The following ZFC3H1 variants were observed in gnomAD, a reference collection of about 807,000 sequenced individuals.
The protein encoded by ZFC3H1 is zinc finger C3H1-type containing.
A neutral mutation model predicts 243.7 loss-of-function variants in ZFC3H1; 71 were observed. The ratio of observed to expected loss-of-function variants is 0.29; its 90% CI spans 0.24 to 0.36. The LOEUF is 0.36. Among genes scored for constraint, ZFC3H1 ranks in the 10% least tolerant of loss-of-function variants. The pLI, the probability that ZFC3H1 is intolerant of heterozygous loss-of-function variation, is 1.00. For missense variants in ZFC3H1, 1,966 were observed against 2,317.1 expected, an observed-to-expected ratio of 0.85 and a Z score of 3.11; for synonymous variants, 838 against 813.0, an observed-to-expected ratio of 1.03 and a Z score of -0.52.
rs565559502 is a variant in ZFC3H1, at chr12:71,625,262, C to A, written c.4318-970G>T. Among the ~76,000 whole-genome samples, 3 of 152,278 alleles carry A rather than the reference C, an allele frequency of 2.0e-5. No individual in the cohort carries two copies. In the South Asian group the frequency reaches 6.2e-4, roughly 32 times the overall value. The stretch of plus-strand genomic sequence containing the variant: ...ACAACTTCAGTTGGTAAGTAAATGA[C>A]AGATTTGACAGCAATAGATTTATTT... On this transcript the variant is annotated intron_variant, in intron 22 of 34. Coordinates refer to ENST00000378743, the MANE Select transcript of ZFC3H1 (RefSeq NM_144982.5).
chr12:71,650,905 T>C (rs992069720), intron 2 of ZFC3H1, among the ~76,000 whole-genome samples: 4 of 152,208 alleles, frequency 2.6e-5, no homozygotes, highest in African/African-American at 4.8e-5. Context: ...TGCCCCCTCC[T>C]GCCATCTCTA....
Position 71,630,635 on chromosome 12 carries a change from T to C in ZFC3H1, c.3689A>G (p.Glu1230Gly). The change falls in exon 18 of 35, where the codon GAG (glutamate) becomes GGG (glycine). Residue 1230 changes from glutamate to glycine, a missense_variant. Coordinates refer to ENST00000378743, the MANE Select transcript of ZFC3H1 (RefSeq NM_144982.5). ...AGTAATTTCTTCATTAGTACTTGTC[T>C]CTGCACAACCAATCAAAGACAGATT... is the stretch of plus-strand genomic sequence containing the variant. Reference protein sequence around the residue: ...SYNLSLIGCAETSTNEEITAS... With the variant: ...SYNLSLIGCAGTSTNEEITAS... The C allele has an allele frequency of 4.3e-6, 7 of 1,613,330 alleles. No homozygotes were observed. The highest frequency in any genetic ancestry group is 5.9e-6 in the Non-Finnish European group (7 of 1,179,682).
At chr12:71,626,173 G>A in intron 22 of ZFC3H1, 87 bp downstream of exon 22, 1 of 1,400,296 alleles carries the variant, frequency 7.1e-7, no homozygotes, top group Non-Finnish European at 9.7e-7. Flanking sequence ...GCTCTATTAA[G>A]CTACTTATCA....
rs1880170090 is a variant in ZFC3H1 at position 71,626,465 on chromosome 12, A to C, written c.4131-19T>G. 1 of 1,566,628 alleles carries C rather than the reference A, an allele frequency of 6.4e-7. No homozygotes were observed. The highest frequency in any genetic ancestry group is 8.7e-7 in the Non-Finnish European group (1 of 1,155,724). On this transcript the variant is annotated intron_variant, in intron 21 of 34. Transcript: ENST00000378743. The stretch of plus-strand genomic sequence containing the variant: ...GCACTCCCTGTATATATAAAAGAAA[A>C]GGTGGAAGTGCTTTTTAGAACCTGC...
intron 8 of ZFC3H1, 85 bp downstream of exon 8, chr12:71,636,765 T>C: frequency 6.4e-7 from 1 of 1,564,374 alleles, no homozygotes; most frequent in Non-Finnish European, 8.7e-7. Flanking sequence ...AAAAGCCCAA[T>C]GATGCCCAAG....
At chr12:71,638,208 C>T (rs1479892398) in intron 7 of ZFC3H1, among the ~76,000 whole-genome samples, 1 of 152,046 alleles carries the variant, frequency 6.6e-6, no homozygotes, top group African/African-American at 2.4e-5. Context: ...GAAAAGTCAA[C>T]ATGAAATTAA....
intron 22 of ZFC3H1, among the ~76,000 whole-genome samples, chr12:71,624,504 A>T (rs550088622): frequency 6.6e-6 from 1 of 152,224 alleles, no homozygotes; most frequent in African/African-American, 2.4e-5. Flanking sequence ...ATGAAAACTA[A>T]AACAATACAG....
Position 71,628,990 on chromosome 12 carries a change from A to C in ZFC3H1, c.3874T>G (p.Phe1292Val). Residue 1292 changes from phenylalanine to valine, a missense_variant, in exon 20 of 35, where the codon TTT becomes GTT. Physicochemically the swap from Phe to Val is conservative, Grantham distance 50 (BLOSUM62 -1). Around this residue, in one of 4 missense-constraint regions of ZFC3H1, gnomAD observed 1,383 missense variants for 1,723.7 expected, o/e 0.80. Coordinates refer to ENST00000378743, the MANE Select transcript of ZFC3H1 (RefSeq NM_144982.5). Reference protein sequence around the residue: ...YKDKRKWKPKFWRKPISDNSF... With the variant: ...YKDKRKWKPKVWRKPISDNSF... ...TTATCTGAAATAGGTTTTCTCCAAA[A>C]CTTTGGCTTCCACTTTCTTTTATCT... 6.2e-7 allele frequency: 1 copy of C among 1,613,206 alleles called. No individual in the cohort carries two copies. The highest frequency in any genetic ancestry group is 8.5e-7 in the Non-Finnish European group (1 of 1,179,760).
intron 19 of ZFC3H1, among the ~76,000 whole-genome samples, chr12:71,629,314 C>T (rs1047403194): frequency 2.6e-5 from 4 of 151,784 alleles, no homozygotes; most frequent in African/African-American, 9.7e-5. Context: ...TGCAGGCACA[C>T]GCCACCACCA....
chr12:71,662,404 T>C (rs1453453052), intron 1 of ZFC3H1, among the ~76,000 whole-genome samples: 1 of 151,688 alleles, frequency 6.6e-6, no homozygotes, highest in Non-Finnish European at 1.5e-5. Context: ...GATAGAAACG[T>C]AAAGGAGGTA....
In ZFC3H1 at chr12:71,619,896, T is replaced by A. The variant is rs1182153494; in HGVS notation, c.5049+30A>T. The A allele has an allele frequency of 1.5e-5, 23 of 1,558,660 alleles. 1 individual carries two copies. The highest frequency in any genetic ancestry group is 1.8e-5 in the Non-Finnish European group (21 of 1,152,766). ...TAGCAAAATTTGAAACATAAAAGCATCATATTTAAGAATTATGCATCATTT... is the reference window on the plus strand; with the variant it reads ...TAGCAAAATTTGAAACATAAAAGCAACATATTTAAGAATTATGCATCATTT... On this transcript the variant is annotated intron_variant, in intron 26 of 34. Coordinates refer to ENST00000378743, the MANE Select transcript of ZFC3H1 (RefSeq NM_144982.5).
intron 13 of ZFC3H1, 122 bp downstream of exon 13, chr12:71,633,142 A>G: frequency 2.2e-6 from 3 of 1,393,982 alleles, no homozygotes; most frequent in Non-Finnish European, 2.9e-6. Context: ...ATTATTTCTC[A>G]ACAAGAAACT....
chr12:71,623,433 T>C lies in ZFC3H1; in HGVS notation c.4671A>G (p.Glu1557=). 1 of 1,613,698 alleles carries C rather than the reference T, an allele frequency of 6.2e-7. No homozygotes were observed. Among genetic ancestry groups the C allele is most frequent in the Non-Finnish European group, 8.5e-7 (1 of 1,179,828 alleles). Residue 1557 remains glutamate, a synonymous_variant, in exon 24 of 35, where the codon GAA becomes GAG. Coordinates refer to ENST00000378743, the MANE Select transcript of ZFC3H1 (RefSeq NM_144982.5). ...NDNPSRIVNT[E]SFVMPWQAVQ... is the part of the protein sequence containing the mutation. ...CAGCTTGCCATGGCATTACAAATGA[T>C]TCAGTGTTAACAATTCTTGAAGGAT... is the stretch of plus-strand genomic sequence containing the variant.
chr12:71,652,719 C>G (rs1042688660), intron 2 of ZFC3H1, among the ~76,000 whole-genome samples: 1 of 152,152 alleles, frequency 6.6e-6, no homozygotes, highest in Non-Finnish European at 1.5e-5. Flanking sequence ...CTGTGTTATA[C>G]TTCTCAAAAC....
At chr12:71,645,893 CTT>C (rs1880717295) in intron 3 of ZFC3H1, among the ~76,000 whole-genome samples, 1 of 152,152 alleles carries the variant, frequency 6.6e-6, no homozygotes, top group Non-Finnish European at 1.5e-5. Flanking sequence ...AGTCCATGGA[CTT>C]TAATAAGGGG....
At position 71,627,882 on chromosome 12, in the gene ZFC3H1, A is replaced by G. The variant is rs987163327; in HGVS notation, c.3999T>C (p.Thr1333=). The change falls in exon 21 of 35, where the codon ACT becomes ACC. Residue 1333 remains threonine, a synonymous_variant. Transcript: ENST00000378743. ...TTGTAAAGTATCTGACATCATCTGG[A>G]GTGACAACTGTATCCAGAGCTGGAA... ...INVPALDTVV[T]PDDVRYFTNE... 6.2e-7 allele frequency: 1 copy of G among 1,613,560 alleles called. No homozygotes were observed. The highest frequency in any genetic ancestry group is 1.3e-5 in the African/African-American group (1 of 74,898).
Position 71,632,340 on chromosome 12 carries a change from A to G in ZFC3H1, c.2992T>C (p.Ser998Pro), listed in dbSNP as rs1362157616. 3.1e-6 allele frequency: 5 copies of G among 1,613,686 alleles called. No individual in the cohort carries two copies. In the South Asian group the frequency reaches 3.3e-5, roughly 11 times the overall value. Residue 998 changes from serine to proline, a missense_variant, in exon 15 of 35, where the codon TCT becomes CCT. Transcript: ENST00000378743. ...TCGGGTTCCTCTTCCACAACTGGAG[A>G]GATATTTTGTTGTTCCTTTGCTTTA... ...ALKAKEQQNI[S>P]PVVEEEPEFS... is the part of the protein sequence containing the mutation.
At chr12:71,629,559 A>ACACACT (rs1269189652) in intron 19 of ZFC3H1, 50 bp downstream of exon 19, 1 of 694,030 alleles carries the variant, frequency 1.4e-6, no homozygotes, top group Non-Finnish European at 2.1e-6. Context: ...GATACAGTAC[A>ACACACT]CACACACACA....
chr12:71,634,593 G>T (rs537528889), intron 11 of ZFC3H1, 111 bp downstream of exon 11: 5 of 1,257,122 alleles, frequency 4.0e-6, no homozygotes, highest in Non-Finnish European at 5.4e-6. Context: ...CATTAACTCT[G>T]TATCTTGGAT....
Sources: gnomAD v4.1 joint callset for allele counts (sites outside exome capture counted in the v4.1 genomes callset) on GRCh38, gnomAD v4.1.1 for gene constraint, gnomAD v4.1.1 regional missense constraint, MANE v1.5 for transcripts, NCBI Gene and HGNC (gene_info 2026-07-23, HGNC 2026-07-21) for gene names.